The following MYO16 variants were observed in gnomAD, a reference collection of about 807,000 sequenced individuals.
MYO16 encodes the protein unconventional myosin-XVI.
Under a neutral mutation model 205.3 loss-of-function variants are expected in MYO16, and 94 were observed. The ratio of observed to expected loss-of-function variants is 0.46; its 90% CI spans 0.39 to 0.54. The LOEUF is 0.54. Among genes scored for constraint, MYO16 ranks in the 20% least tolerant of loss-of-function variants. The probability of loss-of-function intolerance (pLI) is 0.00; values close to 1 mark genes in which losing one functional copy is unlikely to be tolerated. For synonymous variants in MYO16, 988 were observed against 954.0 expected (o/e 1.04, Z -0.66); for missense variants, 2,315 against 2,387.5 (o/e 0.97, Z 0.63).
At chr13:109,090,570 A>G (rs1446633488) in intron 27 of MYO16, among the ~76,000 whole-genome samples, 1 of 152,122 alleles carries the variant, frequency 6.6e-6, no homozygotes, top group Non-Finnish European at 1.5e-5. Context: ...GCATGGTGAA[A>G]GGGGGCCCTG....
At chr13:108,504,753 T>C in the MYO16 span, among the ~76,000 whole-genome samples, 1 of 151,534 alleles carries the variant, frequency 6.6e-6, no homozygotes, top group Non-Finnish European at 1.5e-5. Flanking sequence ...GCCAGGATGG[T>C]CTCGATCTCT....
In MYO16 at chr13:109,202,144, G is replaced by A. The variant is rs112703374; in HGVS notation, c.5416-4465G>A. Among the ~76,000 whole-genome samples the A allele has an allele frequency of 5.7e-3, 868 of 152,088 alleles. 9 individuals carry two copies. Among genetic ancestry groups the A allele is most frequent in the African/African-American group, 0.019 (773 of 41,494 alleles). ...GCTGGTTCCACATTTTTGCAATTGCGAATTGTGCTGCTATAAACATGCATG... is the reference window on the plus strand; with the variant it reads ...GCTGGTTCCACATTTTTGCAATTGCAAATTGTGCTGCTATAAACATGCATG... On this transcript the variant is annotated intron_variant, in intron 34 of 34. Transcript: ENST00000457511.
chr13:109,077,547 C>CA (rs1566494852), intron 27 of MYO16, among the ~76,000 whole-genome samples: 1 of 152,190 alleles, frequency 6.6e-6, no homozygotes, highest in Non-Finnish European at 1.5e-5. Context: ...TGTACACTCT[C>CA]ACGTCATTTG....
intron 32 of MYO16, among the ~76,000 whole-genome samples, chr13:109,152,558 G>C (rs1046904688): frequency 2.0e-5 from 3 of 152,236 alleles, no homozygotes; most frequent in African/African-American, 4.8e-5. Context: ...TATATCTGGA[G>C]ATGTGGGATC....
At position 108,916,540 on chromosome 13, in the gene MYO16, G is replaced by A. The variant is rs569812288; in HGVS notation, c.1925+6390G>A. ...CATTGCTGAAGCAAAACTAACTTACGACGTTCTAGGGATTGCCACCTCTAA... is the reference window on the plus strand; with the variant it reads ...CATTGCTGAAGCAAAACTAACTTACAACGTTCTAGGGATTGCCACCTCTAA... On this transcript the variant is annotated intron_variant, in intron 16 of 34. Transcript: ENST00000457511. Among the ~76,000 whole-genome samples the A allele has an allele frequency of 5.3e-5, 8 of 152,290 alleles. No individual in the cohort carries two copies. In the South Asian group the frequency reaches 1.0e-3, roughly 20 times the overall value.
chr13:109,046,563 T>C (rs1887049829), intron 23 of MYO16, among the ~76,000 whole-genome samples: 1 of 152,200 alleles, frequency 6.6e-6, no homozygotes, highest in Admixed American at 6.5e-5. Flanking sequence ...CACACTTCAT[T>C]CCAAAAGTTT....
At chr13:109,156,590 C>T (rs1878051883) in intron 32 of MYO16, among the ~76,000 whole-genome samples, 1 of 152,222 alleles carries the variant, frequency 6.6e-6, no homozygotes. Flanking sequence ...CTAATCTGAT[C>T]TCTAGCGCAG....
At chr13:108,809,988 A>G (rs196181) in intron 7 of MYO16, among the ~76,000 whole-genome samples, 94,090 of 152,060 alleles carry the variant, frequency 0.62, 29,415 homozygotes, top group Middle Eastern at 0.73. Flanking sequence ...ATGAAGATGA[A>G]TGCCTCGTGT....
At chr13:109,204,518 C>T (rs911854391) in intron 34 of MYO16, among the ~76,000 whole-genome samples, 9 of 152,144 alleles carry the variant, frequency 5.9e-5, no homozygotes, top group Non-Finnish European at 7.3e-5. Context: ...TGGTCCCATT[C>T]AGAAAAAGAA....
chr13:109,018,307 C>T (rs900169754), intron 22 of MYO16, among the ~76,000 whole-genome samples: 3 of 144,288 alleles, frequency 2.1e-5, no homozygotes, highest in African/African-American at 7.9e-5. Flanking sequence ...AGCTGCAGAA[C>T]AGCAAATATT....
At chr13:108,598,142 AT>A (rs1295457062) in intron 1 of MYO16, among the ~76,000 whole-genome samples, 1 of 152,198 alleles carries the variant, frequency 6.6e-6, no homozygotes, top group East Asian at 1.9e-4. Flanking sequence ...CGTTACTTTC[AT>A]TTGTTTATTC....
intron 21 of MYO16, among the ~76,000 whole-genome samples, chr13:109,008,650 TCTATCTTGTGTATGCACTACTGTA>T: frequency 1.7e-5 from 2 of 119,756 alleles, no homozygotes; most frequent in African/African-American, 6.2e-5. Flanking sequence ...TACTGTACTG[TCTATCTTGTGTATGCACTACTGTA>T]CTATCTTGTG....
At chr13:109,150,038 T>C (rs1223482479) in intron 32 of MYO16, among the ~76,000 whole-genome samples, 1 of 152,172 alleles carries the variant, frequency 6.6e-6, no homozygotes, top group East Asian at 1.9e-4. Context: ...GGGTGTCAGA[T>C]GCCTGCCCCA....
intron 16 of MYO16, among the ~76,000 whole-genome samples, chr13:108,953,184 T>A (rs942302821): frequency 6.6e-6 from 1 of 152,260 alleles, no homozygotes; most frequent in African/African-American, 2.4e-5. Context: ...AACAGCCAAG[T>A]GTAAACTACG....
At chr13:109,007,636 C>T (rs888263407) in intron 21 of MYO16, among the ~76,000 whole-genome samples, 4 of 147,698 alleles carry the variant, frequency 2.7e-5, no homozygotes, top group African/African-American at 5.1e-5. Context: ...GAGGGGAAGT[C>T]GGATTTTGCG....
chr13:108,649,029 T>C (rs1277396830), intron 1 of MYO16, among the ~76,000 whole-genome samples: 3 of 146,964 alleles, frequency 2.0e-5, no homozygotes, highest in East Asian at 4.1e-4. Flanking sequence ...TAAAAAAATA[T>C]TCCAGTGTCC....
At chr13:108,899,712 T>A (rs1461454308) in intron 15 of MYO16, among the ~76,000 whole-genome samples, 1 of 152,128 alleles carries the variant, frequency 6.6e-6, no homozygotes, top group Admixed American at 6.6e-5. Context: ...CCCCCTGAGC[T>A]CTCAGTGACT....
chr13:109,025,094 G>A (rs1054662550), intron 23 of MYO16, among the ~76,000 whole-genome samples: 1 of 152,100 alleles, frequency 6.6e-6, no homozygotes. Context: ...TATTGCCACT[G>A]TTTTGGCCAG....
intron 21 of MYO16, among the ~76,000 whole-genome samples, chr13:109,002,833 G>GA (rs1885262273): frequency 6.6e-6 from 1 of 152,150 alleles, no homozygotes; most frequent in Non-Finnish European, 1.5e-5. Flanking sequence ...AGAGTTTAGT[G>GA]AAAATAAATC....
Sources: gnomAD v4.1 joint callset for allele counts (sites outside exome capture counted in the v4.1 genomes callset) on GRCh38, gnomAD v4.1.1 for gene constraint, MANE v1.5 for transcripts, NCBI Gene and HGNC (gene_info 2026-07-23, HGNC 2026-07-21) for gene names.